The following XKR9 variants were observed in gnomAD, a reference collection of about 807,000 sequenced individuals.
XKR9 encodes the protein XK related 9.
A neutral mutation model predicts 32.0 loss-of-function variants in XKR9; 32 were observed. The observed-to-expected ratio is 1.00, with a 90% CI of 0.76 to 1.34. The LOEUF is 1.34. Ranked by LOEUF, XKR9 falls within the 40% of genes most tolerant of loss-of-function variation. The pLI, the probability that XKR9 is intolerant of heterozygous loss-of-function variation, is 0.00. For missense variants in XKR9, 546 were observed against 429.7 expected, an observed-to-expected ratio of 1.27 and a Z score of -2.39; for synonymous variants, 168 against 143.4, an observed-to-expected ratio of 1.17 and a Z score of -1.22.
the XKR9 span, among the ~76,000 whole-genome samples, chr8:70,798,465 A>G: frequency 2.0e-5 from 3 of 152,062 alleles, no homozygotes; most frequent in Admixed American, 2.0e-4. Context: ...TTTGTTGGGT[A>G]AACAGTTTGC....
the XKR9 span, among the ~76,000 whole-genome samples, chr8:70,914,254 T>C: frequency 6.6e-6 from 1 of 152,122 alleles, no homozygotes; most frequent in African/African-American, 2.4e-5. Context: ...AGTATACACA[T>C]AGAAGTAGGA....
At chr8:70,769,607 C>T (rs1586891152) in intron 2 of XKR9, among the ~76,000 whole-genome samples, 2 of 151,964 alleles carry the variant, frequency 1.3e-5, no homozygotes, top group East Asian at 3.9e-4. Context: ...TTCATGTAGT[C>T]CCATATTTCT....
At chr8:70,842,518 A>G in the XKR9 span, among the ~76,000 whole-genome samples, 1 of 149,832 alleles carries the variant, frequency 6.7e-6, no homozygotes, top group African/African-American at 2.5e-5. Context: ...TAAATAACAC[A>G]AACACACACA....
intron 4 of XKR9, among the ~76,000 whole-genome samples, chr8:70,711,902 G>A (rs1805932084): frequency 7.4e-6 from 1 of 135,742 alleles, no homozygotes; most frequent in African/African-American, 2.7e-5. Flanking sequence ...CCTGGGTGAG[G>A]AAATTATTTG....
the XKR9 span, among the ~76,000 whole-genome samples, chr8:70,969,867 C>A: frequency 6.6e-6 from 1 of 152,160 alleles, no homozygotes; most frequent in Non-Finnish European, 1.5e-5. Context: ...GCAATATACA[C>A]TATGCCCAGT....
chr8:70,769,339 A>T (rs1380986788), intron 2 of XKR9, among the ~76,000 whole-genome samples: 1 of 150,210 alleles, frequency 6.7e-6, no homozygotes, highest in African/African-American at 2.5e-5. Flanking sequence ...TTTGTGGGTT[A>T]TCTGACCTTT....
the XKR9 span, among the ~76,000 whole-genome samples, chr8:70,802,930 TG>T: frequency 6.6e-6 from 1 of 152,160 alleles, no homozygotes; most frequent in Non-Finnish European, 1.5e-5. Flanking sequence ...CAATGTGGCT[TG>T]GGGGTGGTCT....
intron 2 of XKR9, among the ~76,000 whole-genome samples, chr8:70,766,359 T>C (rs1433704463): frequency 6.6e-6 from 1 of 152,182 alleles, no homozygotes. Flanking sequence ...TTTATTCTCT[T>C]GGTAGCAACT....
chr8:70,959,592 T>TTGC, the XKR9 span, among the ~76,000 whole-genome samples: 2 of 152,260 alleles, frequency 1.3e-5, no homozygotes, highest in Non-Finnish European at 2.9e-5. Flanking sequence ...AGCAGTGGAC[T>TTGC]TGCTGACTTA....
chr8:70,989,746 TTCACAATATGGTGCAACCC>T, the XKR9 span, among the ~76,000 whole-genome samples: 7 of 152,218 alleles, frequency 4.6e-5, no homozygotes, highest in Admixed American at 3.9e-4. Flanking sequence ...ACTAATTATA[TTCACAATATGGTGCAACCC>T]TCACCACTTT....
chr8:70,836,234 A>G, the XKR9 span, among the ~76,000 whole-genome samples: 1 of 152,236 alleles, frequency 6.6e-6, no homozygotes, highest in East Asian at 1.9e-4. Context: ...TCACACAAAA[A>G]TGCATAAATC....
intron 3 of XKR9, among the ~76,000 whole-genome samples, chr8:70,694,206 G>A (rs1241666454): frequency 1.3e-5 from 2 of 152,234 alleles, no homozygotes; most frequent in Admixed American, 1.3e-4. Context: ...TGGAGACCGT[G>A]GTTGCGAGGT....
the XKR9 span, among the ~76,000 whole-genome samples, chr8:70,902,766 G>T: frequency 6.6e-6 from 1 of 152,142 alleles, no homozygotes; most frequent in Non-Finnish European, 1.5e-5. Flanking sequence ...CTGTGGGTTT[G>T]TCATAAATAG....
intron 4 of XKR9, among the ~76,000 whole-genome samples, chr8:70,714,256 G>A (rs1806015788): frequency 6.6e-6 from 1 of 152,040 alleles, no homozygotes; most frequent in South Asian, 2.1e-4. Context: ...GGGCTTCAAT[G>A]TATGAATTTT....
chr8:70,747,620 A>T (rs867265315), intron 2 of XKR9, among the ~76,000 whole-genome samples: 1 of 152,190 alleles, frequency 6.6e-6, no homozygotes, highest in Non-Finnish European at 1.5e-5. Context: ...ACTGTAAGAA[A>T]CACATTTGTT....
At chr8:70,803,854 G>A in the XKR9 span, among the ~76,000 whole-genome samples, 1 of 152,228 alleles carries the variant, frequency 6.6e-6, no homozygotes, top group South Asian at 2.1e-4. Flanking sequence ...CTTCCTGGTA[G>A]AACATGGGGT....
chr8:70,734,998 C>T lies in XKR9; in HGVS notation c.*574C>T, dbSNP rs1806817683. On this transcript the variant is annotated 3_prime_UTR_variant, in exon 5 of 5. Transcript: ENST00000408926. ...TGACATTTCATTATTTACTTATTTCCTAGCTTTTCTGAATTAATGCACTCT... is the reference window on the plus strand; with the variant it reads ...TGACATTTCATTATTTACTTATTTCTTAGCTTTTCTGAATTAATGCACTCT... 6.6e-6 allele frequency: 1 copy of T among 152,122 alleles called. No homozygotes were observed. Among genetic ancestry groups the T allele is most frequent in the African/African-American group, 2.4e-5 (1 of 41,402 alleles). 9.4% of individuals were successfully genotyped at this position (152,122 alleles called of 1,614,324 possible).
the XKR9 span, among the ~76,000 whole-genome samples, chr8:70,832,916 A>G: frequency 1.8e-4 from 28 of 152,310 alleles, no homozygotes; most frequent in East Asian, 4.4e-3. Context: ...ATACATCTTC[A>G]GTGTCTGGAT....
At chr8:70,795,056 G>T (rs1359306532), downstream of XKR9, among the ~76,000 whole-genome samples, 1 of 151,886 alleles carries the variant, frequency 6.6e-6, no homozygotes, top group African/African-American at 2.4e-5. Flanking sequence ...GGGGTTTATT[G>T]TACAGATTAT....
Sources: gnomAD v4.1 joint callset for allele counts (sites outside exome capture counted in the v4.1 genomes callset) on GRCh38, gnomAD v4.1.1 for gene constraint, MANE v1.5 for transcripts, NCBI Gene and HGNC (gene_info 2026-07-23, HGNC 2026-07-21) for gene names.